Variants in ASH1L observed in about 807,000 individuals in gnomAD.
ASH1L encodes the protein ASH1 like histone lysine methyltransferase.
ASH1L carries 23 observed loss-of-function variants against 269.0 expected under a neutral mutation model. The observed-to-expected ratio is 0.09, with a 90% CI of 0.06 to 0.12. The LOEUF is 0.12. Among genes scored for constraint, ASH1L ranks in the 10% least tolerant of loss-of-function variants. The probability of loss-of-function intolerance (pLI) is 1.00; values close to 1 mark genes in which losing one functional copy is unlikely to be tolerated. For missense variants in ASH1L, 2,912 were observed against 3,567.8 expected, an observed-to-expected ratio of 0.82 and a Z score of 4.68; for synonymous variants, 1,187 against 1,253.5, an observed-to-expected ratio of 0.95 and a Z score of 1.12.
At chr1:155,538,514 C>T (rs1439266822) in intron 1 of ASH1L, among the ~76,000 whole-genome samples, 3 of 151,902 alleles carry the variant, frequency 2.0e-5, no homozygotes. Flanking sequence ...CGCACCACCA[C>T]ATCCGGCTAA....
chr1:155,335,897 T>C lies in ASH1L; in HGVS notation c.*1763A>G, dbSNP rs1170596074. The C allele has an allele frequency of 7.0e-6, 1 of 143,834 alleles. No homozygotes were observed. Among genetic ancestry groups the C allele is most frequent in the Non-Finnish European group, 1.5e-5 (1 of 65,006 alleles). The allele number at this position is 143,834 out of a possible 1,614,324, so 8.9% of individuals were successfully genotyped here. A position where few individuals can be genotyped will look rare whatever the true frequency, so the allele number is the denominator to read the frequency against. On this transcript the variant is annotated 3_prime_UTR_variant, in exon 28 of 28. Transcript: ENST00000392403. ...CAAAGTGCCCCTAGTCCCACCTCCC[T>C]CCCACCCACTCCCTGCAATGAAAAA...
intron 1 of ASH1L, among the ~76,000 whole-genome samples, chr1:155,545,355 G>C (rs916274784): frequency 1.3e-5 from 2 of 151,188 alleles, no homozygotes; most frequent in African/African-American, 4.9e-5. Flanking sequence ...CATACTCTTT[G>C]ACTCCAAAAG....
At chr1:155,465,988 T>G (rs2148688779) in intron 3 of ASH1L, among the ~76,000 whole-genome samples, 1 of 152,308 alleles carries the variant, frequency 6.6e-6, no homozygotes, top group Middle Eastern at 3.4e-3. Context: ...GCAATACATT[T>G]TATCTGATGC....
At chr1:155,339,041 G>A (rs1036715926) in intron 26 of ASH1L, among the ~76,000 whole-genome samples, 7 of 152,220 alleles carry the variant, frequency 4.6e-5, no homozygotes, top group African/African-American at 1.7e-4. Context: ...TTGAGGTAAT[G>A]GGGAAAGCTT....
chr1:155,529,204 T>C (rs769059763), intron 1 of ASH1L, among the ~76,000 whole-genome samples: 50 of 152,204 alleles, frequency 3.3e-4, no homozygotes, highest in Admixed American at 3.3e-4. Context: ...TTTGGGTATA[T>C]ACCCAGTAAC....
intron 12 of ASH1L, among the ~76,000 whole-genome samples, chr1:155,365,254 G>A (rs1379614307): frequency 6.6e-6 from 1 of 151,964 alleles, no homozygotes; most frequent in East Asian, 1.9e-4. Flanking sequence ...CGCTCAGGCT[G>A]GAGTGCAGTG....
intron 7 of ASH1L, among the ~76,000 whole-genome samples, chr1:155,393,362 C>G (rs1658099404): frequency 6.6e-6 from 1 of 152,124 alleles, no homozygotes; most frequent in Non-Finnish European, 1.5e-5. Flanking sequence ...AAGAGCTCCA[C>G]AGTCAAGAGA....
At chr1:155,344,736 C>T (rs1011416569) in intron 21 of ASH1L, 1 of 158,914 alleles carries the variant, frequency 6.3e-6, no homozygotes, top group African/African-American at 2.4e-5. Context: ...CAAAATCACA[C>T]ATATAAAGAT....
At chr1:155,366,384 A>C (rs1342284158) in intron 12 of ASH1L, among the ~76,000 whole-genome samples, 2 of 152,146 alleles carry the variant, frequency 1.3e-5, no homozygotes, top group African/African-American at 4.8e-5. Context: ...TTTAGCATAT[A>C]ATCTATAAAG....
chr1:155,531,659 A>G (rs753791613), intron 1 of ASH1L, among the ~76,000 whole-genome samples: 4 of 152,230 alleles, frequency 2.6e-5, no homozygotes, highest in Non-Finnish European at 5.9e-5. Context: ...CTAAAAATGT[A>G]TATGAGAAGA....
intron 12 of ASH1L, among the ~76,000 whole-genome samples, chr1:155,361,168 G>A (rs543618092): frequency 5.7e-4 from 87 of 151,974 alleles, no homozygotes; most frequent in Non-Finnish European, 1.1e-3. Flanking sequence ...CAGATCATGA[G>A]GTCAGGAGTT....
In ASH1L at chr1:155,481,135, C is replaced by A. The variant is rs766139069; in HGVS notation, c.1735G>T (p.Ala579Ser). The A allele has an allele frequency of 6.2e-7, 1 of 1,613,998 alleles. No homozygotes were observed. The highest frequency in any genetic ancestry group is 8.5e-7 in the Non-Finnish European group (1 of 1,179,982). The change falls in exon 3 of 28, where the codon GCT becomes TCT. Residue 579 changes from alanine to serine, a missense_variant. Around this residue, in one of 13 missense-constraint regions of ASH1L, gnomAD observed 715 missense variants for 721.0 expected, o/e 0.99. Transcript: ENST00000392403. ...RSPPETSSQL[A>S]PNPLLLSSTT... is the part of the protein sequence containing the mutation. ...GAACTTAAAAGTAATGGATTAGGAG[C>A]CAACTGTGAAGAAGTTTCAGGGGGA...
rs1672111818 is a variant in ASH1L at position 155,562,694 on chromosome 1, CTCACCCA to C, written c.-648_-642del. 6.6e-7 allele frequency: 1 copy of C among 1,508,878 alleles called. No homozygotes were observed. Among genetic ancestry groups the C allele is most frequent in the Non-Finnish European group, 8.9e-7 (1 of 1,125,908 alleles). 93.5% of individuals were successfully genotyped at this position (1,508,878 alleles called of 1,614,324 possible). A position where few individuals can be genotyped will look rare whatever the true frequency, so the allele number is the denominator to read the frequency against. ...CCGCGCGCCAGCCAGCCCGTACGCG[CTCACCCA>C]CAGGAACCCCCTCGTCCAGTCCCTC... On this transcript the variant is annotated 5_prime_UTR_variant, in exon 1 of 28. Coordinates refer to ENST00000392403, the MANE Select transcript of ASH1L (RefSeq NM_018489.3).
In ASH1L at chr1:155,548,523, A is replaced by G. The variant is rs1670983388; in HGVS notation, c.-100+13630T>C. The stretch of plus-strand genomic sequence containing the variant: ...AGGCAACAGAGCCAGACTCCGTATC[A>G]AACAAAAGAGAGATAAAAAATAGAC... On this transcript the variant is annotated intron_variant, in intron 1 of 27. Transcript: ENST00000392403. Among the ~76,000 whole-genome samples the G allele has an allele frequency of 2.0e-5, 3 of 152,222 alleles. No homozygotes were observed. In the South Asian group the frequency reaches 6.2e-4, roughly 32 times the overall value.
intron 10 of ASH1L, among the ~76,000 whole-genome samples, chr1:155,375,915 A>C (rs1656397492): frequency 6.6e-6 from 1 of 152,214 alleles, no homozygotes; most frequent in Admixed American, 6.5e-5. Context: ...CTAAGTATCG[A>C]GATCCCGTCT....
At chr1:155,339,203 T>C in intron 26 of ASH1L, 125 bp downstream of exon 26, 1 of 812,674 alleles carries the variant, frequency 1.2e-6, no homozygotes, top group Non-Finnish European at 2.1e-6. Flanking sequence ...GGCACTACAC[T>C]GGGCTACTCT....
intron 6 of ASH1L, among the ~76,000 whole-genome samples, chr1:155,412,239 C>T (rs1352170403): frequency 7.1e-6 from 1 of 141,756 alleles, no homozygotes; most frequent in African/African-American, 2.7e-5. Flanking sequence ...ACGACTCCGT[C>T]TCAAAAAAAA....
intron 2 of ASH1L, among the ~76,000 whole-genome samples, chr1:155,496,757 G>A (rs1667181962): frequency 6.6e-6 from 1 of 152,036 alleles, no homozygotes; most frequent in Non-Finnish European, 1.5e-5. Context: ...TTCCACCTCA[G>A]CCTCCTGAGT....
At chr1:155,496,846 A>G (rs1321337941) in intron 2 of ASH1L, among the ~76,000 whole-genome samples, 2 of 151,086 alleles carry the variant, frequency 1.3e-5, no homozygotes, top group African/African-American at 4.9e-5. Context: ...GGGTCTCACT[A>G]TGTTGCCCAG....
Sources: gnomAD v4.1 joint callset for allele counts (sites outside exome capture counted in the v4.1 genomes callset) on GRCh38, gnomAD v4.1.1 for gene constraint, gnomAD v4.1.1 regional missense constraint, MANE v1.5 for transcripts, NCBI Gene and HGNC (gene_info 2026-07-23, HGNC 2026-07-21) for gene names.